Variants in NRG1 observed in about 807,000 individuals in gnomAD.
NRG1 encodes the protein pro-neuregulin-1, membrane-bound isoform.
NRG1 carries 18 observed loss-of-function variants against 63.8 expected under a neutral mutation model. That is an observed-to-expected ratio of 0.28 (90% confidence interval 0.19 to 0.42). The LOEUF (loss-of-function observed/expected upper bound fraction) is 0.42, where lower values mean the gene tolerates loss of function less well. NRG1 is among the 10% of genes least tolerant of loss of function. NRG1 has a pLI of 1.00. For missense variants in NRG1, 762 were observed against 814.7 expected (o/e 0.94, Z 0.79); for synonymous variants, 302 against 301.3 (o/e 1.00, Z -0.02).
At chr8:32,446,273 G>T (rs567880785) in intron 1 of NRG1, among the ~76,000 whole-genome samples, 2 of 152,148 alleles carry the variant, frequency 1.3e-5, no homozygotes, top group East Asian at 1.9e-4. Context: ...AGAAGCAGCC[G>T]AGTGATTTAC....
chr8:31,937,254 T>C (rs1801049292), intron 1 of NRG1, among the ~76,000 whole-genome samples: 2 of 152,178 alleles, frequency 1.3e-5, no homozygotes, highest in African/African-American at 2.4e-5. Flanking sequence ...AAATAAATGA[T>C]GAGCACTTTG....
chr8:32,396,299 A>T (rs1319921014), intron 1 of NRG1, among the ~76,000 whole-genome samples: 3 of 152,212 alleles, frequency 2.0e-5, no homozygotes, highest in Admixed American at 2.0e-4. Flanking sequence ...GATTCTCACG[A>T]ATGTGAAGAT....
rs558827193 is a variant in NRG1 at position 32,728,233 on chromosome 8, A to G, written c.632+155A>G. ...TAGAGTGTTTTAAAACATTCACACC[A>G]TTCGTCATCACTCCTCTGTCATATG... is the stretch of plus-strand genomic sequence containing the variant. On this transcript the variant is annotated intron_variant, in intron 6 of 11. Transcript: ENST00000356819. 1.7e-5 allele frequency: 17 copies of G among 985,442 alleles called. No individual in the cohort carries two copies. The South Asian group carries it at 4.2e-4, about 25-fold the overall frequency. 61.0% of individuals were successfully genotyped at this position (985,442 alleles called of 1,614,324 possible).
intron 1 of NRG1, among the ~76,000 whole-genome samples, chr8:31,850,484 A>G (rs2129608917): frequency 6.6e-6 from 1 of 152,260 alleles, no homozygotes; most frequent in South Asian, 2.1e-4. Flanking sequence ...TTGTTACATA[A>G]AAAATTGAAC....
intron 1 of NRG1, among the ~76,000 whole-genome samples, chr8:31,665,146 A>G (rs1474568303): frequency 6.6e-6 from 1 of 152,184 alleles, no homozygotes; most frequent in Non-Finnish European, 1.5e-5. Context: ...TACACATCAC[A>G]GTGTGGATAC....
intron 1 of NRG1, among the ~76,000 whole-genome samples, chr8:32,238,387 G>A (rs6982786): frequency 0.15 from 22,242 of 151,332 alleles, 1,816 homozygotes; most frequent in East Asian, 0.28. Context: ...TGAACATGGC[G>A]GAGATTGCAG....
At chr8:31,747,891 C>T (rs967285182) in intron 1 of NRG1, among the ~76,000 whole-genome samples, 5 of 151,894 alleles carry the variant, frequency 3.3e-5, no homozygotes, top group Admixed American at 6.6e-5. Context: ...ACTATTTTAA[C>T]TTCAGTTATC....
intron 1 of NRG1, among the ~76,000 whole-genome samples, chr8:31,947,306 C>CAAAAAAAAAAAAAAAA (rs61713691): frequency 6.3e-4 from 84 of 132,680 alleles, no homozygotes; most frequent in African/African-American, 2.6e-3. Context: ...GACTCCGTCT[C>CAAAAAAAAAAAAAAAA]AAAAAAAAAA....
At chr8:32,193,456 C>T (rs929672358) in intron 1 of NRG1, among the ~76,000 whole-genome samples, 3 of 152,122 alleles carry the variant, frequency 2.0e-5, no homozygotes, top group Non-Finnish European at 4.4e-5. Flanking sequence ...TAATTATCTA[C>T]ACTAATGGAG....
chr8:32,629,705 T>G (rs1849931147), intron 5 of NRG1, among the ~76,000 whole-genome samples: 3 of 152,168 alleles, frequency 2.0e-5, no homozygotes. Flanking sequence ...TCTGGAAGAT[T>G]TTTTTCATTT....
chr8:31,717,604 C>T (rs937378396), intron 1 of NRG1, among the ~76,000 whole-genome samples: 29 of 152,148 alleles, frequency 1.9e-4, no homozygotes, highest in African/African-American at 6.3e-4. Flanking sequence ...ACTCACTTCC[C>T]TAAGAATAAG....
chr8:31,901,988 A>G (rs1832124586), intron 1 of NRG1, among the ~76,000 whole-genome samples: 1 of 152,240 alleles, frequency 6.6e-6, no homozygotes, highest in Non-Finnish European at 1.5e-5. Flanking sequence ...TTCAAATGAC[A>G]CAACTGTAAT....
At chr8:31,953,611 T>C (rs1803845386) in intron 1 of NRG1, among the ~76,000 whole-genome samples, 1 of 152,070 alleles carries the variant, frequency 6.6e-6, no homozygotes, top group Admixed American at 6.6e-5. Context: ...GGAGAAAGAG[T>C]AGTTCACTGT....
intron 1 of NRG1, among the ~76,000 whole-genome samples, chr8:31,685,565 G>T (rs57495084): frequency 0.22 from 32,937 of 152,068 alleles, 4,321 homozygotes; most frequent in East Asian, 0.59. Context: ...GTGGTTTTGT[G>T]TATTCACAGA....
chr8:32,596,131 C>A, intron 2 of NRG1, 126 bp downstream of exon 2: 1 of 735,262 alleles, frequency 1.4e-6, no homozygotes, highest in Non-Finnish European at 2.0e-6. Flanking sequence ...AAAGCTGTTT[C>A]ATTATATAAT....
chr8:31,971,720 A>T lies in NRG1; in HGVS notation c.37+332289A>T, dbSNP rs550753405. Among the ~76,000 whole-genome samples, 144 of 152,306 alleles carry T rather than the reference A, an allele frequency of 9.5e-4. 1 individual carries two copies. Among genetic ancestry groups the T allele is most frequent in the Non-Finnish European group, 1.6e-3 (109 of 68,012 alleles). ...AAAAACTGATTAAATTGTTTAAAAA[A>T]AAACAAAAACCTTGAAGACAATTTT... On this transcript the variant is annotated intron_variant, in intron 1 of 10. Transcript: ENST00000519301.
exon 11 of NRG1, chr8:32,760,298 G>A (rs1830461470): frequency 2.5e-6 from 4 of 1,613,970 alleles, no homozygotes; most frequent in Middle Eastern, 3.3e-4. Flanking sequence ...CCAACTGGGG[G>A]CCCAAGAGGA....
At chr8:31,947,306 CAAAAAAAAAAAAAA>C (rs61713691) in intron 1 of NRG1, among the ~76,000 whole-genome samples, 107,581 of 133,734 alleles carry the variant, frequency 0.8, 42,802 homozygotes, top group Non-Finnish European at 0.88. Flanking sequence ...GACTCCGTCT[CAAAAAAAAAAAAAA>C]AAAAAAAAAA....
At chr8:32,256,411 T>C (rs1012476561) in intron 1 of NRG1, 5 of 152,228 alleles carry the variant, frequency 3.3e-5, no homozygotes, top group African/African-American at 1.2e-4. Flanking sequence ...GCTATTCCTT[T>C]CTGTTTGTTA....
Sources: allele counts gnomAD v4.1 joint callset (sites outside exome capture counted in the v4.1 genomes callset), GRCh38; gene constraint gnomAD v4.1.1; transcripts MANE v1.5; gene names NCBI Gene and HGNC (gene_info 2026-07-23, HGNC 2026-07-21).